The following SLC24A2 variants were observed in gnomAD, a reference collection of about 807,000 sequenced individuals.
The protein encoded by SLC24A2 is solute carrier family 24 member 2.
SLC24A2 carries 36 observed loss-of-function variants against 62.0 expected under a neutral mutation model. The ratio of observed to expected loss-of-function variants is 0.58; its 90% CI spans 0.44 to 0.77. The LOEUF (loss-of-function observed/expected upper bound fraction) is 0.77. SLC24A2 is among the 30% of genes least tolerant of loss of function. The pLI, the probability that SLC24A2 is intolerant of heterozygous loss-of-function variation, is 0.00. For synonymous variants in SLC24A2, 358 were observed against 294.0 expected, an observed-to-expected ratio of 1.22 and a Z score of -2.23; for missense variants, 846 against 817.9, an observed-to-expected ratio of 1.03 and a Z score of -0.42.
chr9:19,714,785 C>T (rs1820812056), intron 2 of SLC24A2, among the ~76,000 whole-genome samples: 1 of 152,142 alleles, frequency 6.6e-6, no homozygotes, highest in Non-Finnish European at 1.5e-5. Flanking sequence ...CTATAATCTA[C>T]TCATTTAGCA....
chr9:19,577,068 G>T (rs1339348877), intron 5 of SLC24A2, 46 bp from the exon 6 acceptor site: 4 of 1,504,162 alleles, frequency 2.7e-6, no homozygotes, highest in Non-Finnish European at 3.7e-6. Flanking sequence ...TGAGAAAGAA[G>T]AGAGTCTCAG....
chr9:19,545,430 C>T (rs7855280), intron 8 of SLC24A2, among the ~76,000 whole-genome samples: 9,821 of 151,926 alleles, frequency 0.065, 1,060 homozygotes, highest in African/African-American at 0.22. Context: ...TTACTTCTGT[C>T]GAGTCATGAA....
chr9:20,292,426 A>G, the SLC24A2 span, among the ~76,000 whole-genome samples: 5 of 152,204 alleles, frequency 3.3e-5, no homozygotes, highest in African/African-American at 4.8e-5. Flanking sequence ...TAAGTCACAT[A>G]TACGCCTTCT....
intron 2 of SLC24A2, among the ~76,000 whole-genome samples, chr9:19,671,417 T>G (rs923108230): frequency 1.3e-5 from 2 of 151,626 alleles, no homozygotes; most frequent in South Asian, 4.2e-4. Flanking sequence ...GTCCTGAGAC[T>G]CTGCTGAATT....
At chr9:20,046,884 TC>T in the SLC24A2 span, among the ~76,000 whole-genome samples, 1 of 152,188 alleles carries the variant, frequency 6.6e-6, no homozygotes, top group Non-Finnish European at 1.5e-5. Flanking sequence ...AGGTACTGCT[TC>T]TTTCTATCTA....
intron 2 of SLC24A2, among the ~76,000 whole-genome samples, chr9:19,733,708 T>C (rs922852804): frequency 6.6e-6 from 1 of 152,236 alleles, no homozygotes; most frequent in African/African-American, 2.4e-5. Flanking sequence ...AGTTCTCCAA[T>C]GTCCTCTGGA....
the SLC24A2 span, among the ~76,000 whole-genome samples, chr9:20,019,228 AAAG>A: frequency 6.7e-6 from 1 of 150,180 alleles, no homozygotes; most frequent in African/African-American, 2.4e-5. Flanking sequence ...AGACAGAAAG[AAAG>A]AAAGAAAAAG....
chr9:19,964,041 A>C, the SLC24A2 span, among the ~76,000 whole-genome samples: 3 of 152,060 alleles, frequency 2.0e-5, no homozygotes, highest in Non-Finnish European at 2.9e-5. Flanking sequence ...ATGCAGCCAT[A>C]AAAAATGATG....
chr9:20,105,265 C>G, the SLC24A2 span, among the ~76,000 whole-genome samples: 2 of 152,130 alleles, frequency 1.3e-5, no homozygotes, highest in African/African-American at 4.8e-5. Flanking sequence ...TTTAACACCC[C>G]ATTGTCAACA....
At chr9:19,939,846 G>A in the SLC24A2 span, among the ~76,000 whole-genome samples, 3 of 152,260 alleles carry the variant, frequency 2.0e-5, no homozygotes, top group South Asian at 2.1e-4. Context: ...AGTGAATTAC[G>A]GCTATGCTAA....
chr9:19,893,451 T>G, the SLC24A2 span, among the ~76,000 whole-genome samples: 1 of 152,054 alleles, frequency 6.6e-6, no homozygotes, highest in African/African-American at 2.4e-5. Context: ...GGAATAGGAG[T>G]TTTTATTCTA....
intron 2 of SLC24A2, among the ~76,000 whole-genome samples, chr9:19,663,436 G>A (rs964728993): frequency 6.6e-6 from 1 of 152,118 alleles, no homozygotes; most frequent in African/African-American, 2.4e-5. Flanking sequence ...CTTTTCTGTT[G>A]CAGTCCCCCC....
At chr9:20,267,273 C>G in the SLC24A2 span, among the ~76,000 whole-genome samples, 1 of 152,088 alleles carries the variant, frequency 6.6e-6, no homozygotes, top group Admixed American at 6.6e-5. Flanking sequence ...TTCACAATAA[C>G]CATCACCATC....
the SLC24A2 span, among the ~76,000 whole-genome samples, chr9:20,206,884 G>T: frequency 0.011 from 1,699 of 149,296 alleles, 33 homozygotes; most frequent in African/African-American, 0.041. Flanking sequence ...ACTAAGTTGG[G>T]GGGGGCGGTT....
the SLC24A2 span, among the ~76,000 whole-genome samples, chr9:20,073,429 C>T: frequency 1.3e-5 from 2 of 152,092 alleles, no homozygotes; most frequent in African/African-American, 4.8e-5. Flanking sequence ...AAAATCTTTT[C>T]ACCTTTGCCA....
At chr9:19,901,731 T>A in the SLC24A2 span, among the ~76,000 whole-genome samples, 1 of 152,150 alleles carries the variant, frequency 6.6e-6, no homozygotes, top group Non-Finnish European at 1.5e-5. Flanking sequence ...TAATCAAGTG[T>A]GCAGACTCTC....
At chr9:20,037,647 T>C in the SLC24A2 span, among the ~76,000 whole-genome samples, 1 of 152,170 alleles carries the variant, frequency 6.6e-6, no homozygotes, top group East Asian at 1.9e-4. Flanking sequence ...TATTTACAAG[T>C]CAGGCGCTTA....
At chr9:20,085,375 T>C in the SLC24A2 span, among the ~76,000 whole-genome samples, 1 of 152,192 alleles carries the variant, frequency 6.6e-6, no homozygotes. Flanking sequence ...CAAACTCTTA[T>C]CAGTACTTAC....
At chr9:19,619,001 G>A (rs1817840386) in intron 4 of SLC24A2, among the ~76,000 whole-genome samples, 1 of 152,148 alleles carries the variant, frequency 6.6e-6, no homozygotes, top group African/African-American at 2.4e-5. Context: ...TGATTACACT[G>A]GGAAGTGAGC....
Sources: gnomAD v4.1 joint callset for allele counts (sites outside exome capture counted in the v4.1 genomes callset) on GRCh38, gnomAD v4.1.1 for gene constraint, MANE v1.5 for transcripts, NCBI Gene and HGNC (gene_info 2026-07-23, HGNC 2026-07-21) for gene names.